The following MEIS2 variants were observed in gnomAD, a reference collection of about 807,000 sequenced individuals.
MEIS2 encodes the protein homeobox protein Meis2.
A neutral mutation model predicts 58.6 loss-of-function variants in MEIS2; 9 were observed. That is an observed-to-expected ratio of 0.15 (90% CI 0.09 to 0.27). MEIS2 has a LOEUF of 0.27. MEIS2 is among the 10% of genes least tolerant of loss of function. The probability of loss-of-function intolerance (pLI) is 1.00; values close to 1 mark genes in which losing one functional copy is unlikely to be tolerated. For synonymous variants in MEIS2, 221 were observed against 228.4 expected (o/e 0.97, Z 0.29); for missense variants, 427 against 635.0 (o/e 0.67, Z 3.52).
intron 8 of MEIS2, among the ~76,000 whole-genome samples, chr15:36,979,184 G>C (rs1478834500): frequency 6.6e-6 from 1 of 151,988 alleles, no homozygotes; most frequent in Non-Finnish European, 1.5e-5. Flanking sequence ...ATTTTGTTTT[G>C]TACATAAAAT....
intron 9 of MEIS2, among the ~76,000 whole-genome samples, chr15:36,908,472 G>A (rs546796035): frequency 4.6e-5 from 7 of 152,234 alleles, no homozygotes; most frequent in African/African-American, 1.2e-4. Context: ...CCACAAAGCC[G>A]TCATCTACAA....
rs986235811 is a variant in MEIS2 at position 36,890,329 on chromosome 15, T to G, written c.*1844A>C. ...GTATCAATAAGCTAATGGTATAGAT[T>G]TCCAGGAATGTTGCATAAAATTTTG... On this transcript the variant is annotated 3_prime_UTR_variant, in exon 12 of 12. Transcript: ENST00000561208. 2.0e-5 allele frequency: 3 copies of G among 152,170 alleles called. No homozygotes were observed. The highest frequency in any genetic ancestry group is 7.2e-5 in the African/African-American group (3 of 41,446). The allele number at this position is 152,170 out of a possible 1,614,324, so 9.4% of individuals were successfully genotyped here. A position where few individuals can be genotyped will look rare whatever the true frequency, so the allele number is the denominator to read the frequency against.
At chr15:36,995,775 C>T (rs1429626986) in intron 8 of MEIS2, among the ~76,000 whole-genome samples, 1 of 73,370 alleles carries the variant, frequency 1.4e-5, no homozygotes, top group Non-Finnish European at 3.0e-5. Context: ...AGAAAAAAAA[C>T]CTAGAGGTAA....
chr15:37,060,940 G>T (rs1008192427), intron 7 of MEIS2, among the ~76,000 whole-genome samples: 2 of 152,110 alleles, frequency 1.3e-5, no homozygotes, highest in East Asian at 1.9e-4. Flanking sequence ...TACTTTGAGG[G>T]TATCACACAC....
At chr15:36,976,093 A>AT (rs950666532) in intron 8 of MEIS2, among the ~76,000 whole-genome samples, 127 of 151,102 alleles carry the variant, frequency 8.4e-4, no homozygotes, top group African/African-American at 2.3e-3. Context: ...GTTTTATTTT[A>AT]TTTTTTTTTG....
At chr15:37,059,926 CAA>C (rs34012549) in intron 7 of MEIS2, among the ~76,000 whole-genome samples, 4 of 150,822 alleles carry the variant, frequency 2.7e-5, no homozygotes, top group East Asian at 3.9e-4. Flanking sequence ...GAGTCTGTCT[CAA>C]AAAAAAAAAT....
At chr15:36,965,063 G>A (rs982630829) in intron 8 of MEIS2, among the ~76,000 whole-genome samples, 1 of 152,188 alleles carries the variant, frequency 6.6e-6, no homozygotes. Flanking sequence ...TTACTTGTTT[G>A]TGATCCAGGC....
chr15:37,013,166 G>T (rs1412596265), intron 8 of MEIS2, among the ~76,000 whole-genome samples: 4 of 152,128 alleles, frequency 2.6e-5, no homozygotes, highest in African/African-American at 9.7e-5. Flanking sequence ...GTGCCAGATG[G>T]CACCTTACAG....
intron 8 of MEIS2, among the ~76,000 whole-genome samples, chr15:37,006,982 C>A (rs2141616781): frequency 6.6e-6 from 1 of 152,304 alleles, no homozygotes; most frequent in African/African-American, 2.4e-5. Flanking sequence ...CGTCTGCCAC[C>A]TTTTACTAGC....
At chr15:37,077,077 T>C (rs574341483) in intron 7 of MEIS2, among the ~76,000 whole-genome samples, 1 of 152,146 alleles carries the variant, frequency 6.6e-6, no homozygotes, top group Non-Finnish European at 1.5e-5. Flanking sequence ...CCTTGCTTAT[T>C]AGCAGGATTT....
At chr15:36,986,598 G>T (rs1392137790) in intron 8 of MEIS2, among the ~76,000 whole-genome samples, 1 of 152,180 alleles carries the variant, frequency 6.6e-6, no homozygotes, top group Non-Finnish European at 1.5e-5. Flanking sequence ...TCTCCTCAGA[G>T]ATCTGAGGCC....
At chr15:37,071,000 T>A (rs1890631022) in intron 7 of MEIS2, among the ~76,000 whole-genome samples, 1 of 152,184 alleles carries the variant, frequency 6.6e-6, no homozygotes, top group African/African-American at 2.4e-5. Flanking sequence ...AGAGAATTTG[T>A]CATTGGTATT....
chr15:36,966,171 C>T (rs1223213486), intron 8 of MEIS2, among the ~76,000 whole-genome samples: 1 of 152,136 alleles, frequency 6.6e-6, no homozygotes, highest in African/African-American at 2.4e-5. Flanking sequence ...GGAAGCAGCC[C>T]ACTCTGCAGG....
intron 8 of MEIS2, among the ~76,000 whole-genome samples, chr15:36,997,946 T>G (rs1041548251): frequency 1.3e-5 from 2 of 152,192 alleles, no homozygotes; most frequent in Admixed American, 6.5e-5. Flanking sequence ...GCCCTGCACC[T>G]TCACTGATCC....
intron 7 of MEIS2, among the ~76,000 whole-genome samples, chr15:37,063,846 A>T (rs1477115180): frequency 6.6e-6 from 1 of 152,226 alleles, no homozygotes; most frequent in Admixed American, 6.5e-5. Flanking sequence ...ATGACACTAT[A>T]AAGAAGCCAT....
chr15:37,012,939 A>G (rs1375551497), intron 8 of MEIS2, among the ~76,000 whole-genome samples: 1 of 152,200 alleles, frequency 6.6e-6, no homozygotes, highest in Non-Finnish European at 1.5e-5. Context: ...GCATATTTCA[A>G]TCTCAGTGAC....
chr15:36,957,301 A>AGG, intron 8 of MEIS2, among the ~76,000 whole-genome samples: 1 of 152,344 alleles, frequency 6.6e-6, no homozygotes, highest in Admixed American at 6.5e-5. Context: ...TGAAAAACAC[A>AGG]TTTAGACTCA....
chr15:37,003,756 T>C (rs1003857238), intron 8 of MEIS2, among the ~76,000 whole-genome samples: 1 of 152,192 alleles, frequency 6.6e-6, no homozygotes, highest in Admixed American at 6.5e-5. Flanking sequence ...TATTAGGAAG[T>C]GGGGCCTTCC....
intron 8 of MEIS2, among the ~76,000 whole-genome samples, chr15:36,970,200 C>G (rs564693335): frequency 3.8e-4 from 57 of 151,964 alleles, no homozygotes; most frequent in East Asian, 3.5e-3. Flanking sequence ...TCAGGAGATC[C>G]GGACCATCCT....
Sources: gnomAD v4.1 joint callset for allele counts (sites outside exome capture counted in the v4.1 genomes callset) on GRCh38, gnomAD v4.1.1 for gene constraint, MANE v1.5 for transcripts, NCBI Gene and HGNC (gene_info 2026-07-23, HGNC 2026-07-21) for gene names.